The following NCAM2 variants were observed in gnomAD, a reference collection of about 807,000 sequenced individuals.
The protein encoded by NCAM2 is N-CAM-2.
In NCAM2, 30 loss-of-function variants were observed where a neutral mutation model predicts 98.1. The observed-to-expected ratio is 0.31, with a 90% CI of 0.23 to 0.41. The LOEUF is 0.41. Among genes scored for constraint, NCAM2 ranks in the 10% least tolerant of loss-of-function variants. NCAM2 has a pLI of 1.00. For missense variants in NCAM2, 867 were observed against 1,005.8 expected (o/e 0.86, Z 1.87); for synonymous variants, 368 against 342.4 (o/e 1.07, Z -0.83).
intron 1 of NCAM2, among the ~76,000 whole-genome samples, chr21:21,130,734 A>AT (rs5842894): frequency 2.0e-5 from 3 of 151,802 alleles, no homozygotes; most frequent in African/African-American, 7.3e-5. Context: ...TAAATTACCA[A>AT]TTTTTTTTTG....
At chr21:21,387,589 A>C (rs2076297802) in intron 9 of NCAM2, among the ~76,000 whole-genome samples, 1 of 152,074 alleles carries the variant, frequency 6.6e-6, no homozygotes, top group Admixed American at 6.6e-5. Flanking sequence ...GTTCATATGG[A>C]TCTAATCCTA....
At chr21:21,002,470 CAG>C (rs934770523) in intron 1 of NCAM2, among the ~76,000 whole-genome samples, 5 of 152,152 alleles carry the variant, frequency 3.3e-5, no homozygotes, top group African/African-American at 1.2e-4. Context: ...AAATGAGCTA[CAG>C]AGATTGAGGC....
chr21:21,484,193 T>C (rs1986142652), intron 15 of NCAM2, among the ~76,000 whole-genome samples: 1 of 152,178 alleles, frequency 6.6e-6, no homozygotes, highest in Non-Finnish European at 1.5e-5. Flanking sequence ...ACATCAATAT[T>C]GACCTTTGTA....
rs188256561 is a variant in NCAM2, at chr21:21,474,327, C to T, written c.1897-2964C>T. ...CCCAAATACTTAAAATGATGGAGGG[C>T]CCTTTAATTTATCATATTAAGGGCT... is the stretch of plus-strand genomic sequence containing the variant. On this transcript the variant is annotated intron_variant, in intron 14 of 17. Coordinates refer to ENST00000400546, the MANE Select transcript of NCAM2 (RefSeq NM_004540.5). Among the ~76,000 whole-genome samples, 5 of 152,062 alleles carry T rather than the reference C, an allele frequency of 3.3e-5. No individual in the cohort carries two copies. The East Asian group carries it at 9.7e-4, about 30-fold the overall frequency.
At chr21:21,477,737 G>A (rs1412006758) in intron 15 of NCAM2, among the ~76,000 whole-genome samples, 2 of 152,138 alleles carry the variant, frequency 1.3e-5, no homozygotes, top group Non-Finnish European at 2.9e-5. Flanking sequence ...AAGAGTGACT[G>A]ATGATAATCA....
intron 1 of NCAM2, among the ~76,000 whole-genome samples, chr21:21,027,439 G>T (rs1035283274): frequency 6.6e-6 from 1 of 152,156 alleles, no homozygotes; most frequent in African/African-American, 2.4e-5. Flanking sequence ...AGTTACTTAT[G>T]CAGATTGTTC....
At chr21:21,355,339 G>A (rs139721938) in intron 8 of NCAM2, among the ~76,000 whole-genome samples, 30 of 151,194 alleles carry the variant, frequency 2.0e-4, no homozygotes, top group Admixed American at 1.9e-3. Context: ...GGACGGGGCC[G>A]GGAAAAGGGG....
intron 2 of NCAM2, among the ~76,000 whole-genome samples, chr21:21,283,171 T>A (rs551311940): frequency 6.6e-6 from 1 of 152,076 alleles, no homozygotes; most frequent in South Asian, 2.1e-4. Flanking sequence ...AAACTTTCTT[T>A]CATACTTTTA....
chr21:21,199,464 A>G (rs1412941312), intron 1 of NCAM2, among the ~76,000 whole-genome samples: 1 of 152,140 alleles, frequency 6.6e-6, no homozygotes, highest in Non-Finnish European at 1.5e-5. Context: ...AAGCAGCTGA[A>G]GCTTAGCATC....
chr21:21,383,710 T>A (rs2076206185), intron 9 of NCAM2, among the ~76,000 whole-genome samples: 1 of 152,144 alleles, frequency 6.6e-6, no homozygotes, highest in South Asian at 2.1e-4. Context: ...ATATTCTACT[T>A]CTAGTACAAC....
intron 5 of NCAM2, among the ~76,000 whole-genome samples, chr21:21,304,927 A>G (rs2073834266): frequency 1.3e-5 from 2 of 152,206 alleles, no homozygotes; most frequent in African/African-American, 2.4e-5. Context: ...AGCATCATAT[A>G]TAAAGATAGA....
chr21:21,513,486 T>C (rs965521335), intron 16 of NCAM2, among the ~76,000 whole-genome samples: 3 of 152,106 alleles, frequency 2.0e-5, no homozygotes, highest in Admixed American at 1.3e-4. Flanking sequence ...TTAATTTCCA[T>C]GTGTTTCTAT....
intron 1 of NCAM2, among the ~76,000 whole-genome samples, chr21:21,134,064 C>CT (rs36062789): frequency 1.5e-4 from 21 of 137,516 alleles, no homozygotes; most frequent in Middle Eastern, 3.7e-3. Flanking sequence ...CACTTCCTCT[C>CT]TTTTTTTTTT....
At chr21:21,174,770 C>T (rs2068229890) in intron 1 of NCAM2, among the ~76,000 whole-genome samples, 1 of 151,260 alleles carries the variant, frequency 6.6e-6, no homozygotes, top group Non-Finnish European at 1.5e-5. Context: ...AATACAATTA[C>T]AAATAAAGAA....
At position 21,339,171 on chromosome 21, in the gene NCAM2, G is replaced by A. The variant is rs550273959; in HGVS notation, c.1044+637G>A. Reference sequence around the variant, plus strand: ...TAAATAAAGCTTTATTGAAACTAAAGCAAAAGAGTAATTTAAATTCAAAAA... The same window carrying A: ...TAAATAAAGCTTTATTGAAACTAAAACAAAAGAGTAATTTAAATTCAAAAA... On this transcript the variant is annotated intron_variant, in intron 8 of 17. Transcript: ENST00000400546. Among the ~76,000 whole-genome samples the A allele has an allele frequency of 7.2e-5, 11 of 152,158 alleles. No homozygotes were observed. The South Asian group carries it at 2.3e-3, about 32-fold the overall frequency.
At chr21:21,340,567 A>C (rs1038079222) in intron 8 of NCAM2, among the ~76,000 whole-genome samples, 1 of 152,002 alleles carries the variant, frequency 6.6e-6, no homozygotes, top group African/African-American at 2.4e-5. Flanking sequence ...CAATTATAGA[A>C]ACTCAAATAT....
chr21:21,115,985 G>GTC (rs2066547368), intron 1 of NCAM2, among the ~76,000 whole-genome samples: 1 of 136,656 alleles, frequency 7.3e-6, no homozygotes, highest in Admixed American at 7.9e-5. Flanking sequence ...GTGTGTGTGT[G>GTC]TGTGTGTCTG....
At chr21:21,254,788 G>A (rs1442952527) in intron 1 of NCAM2, among the ~76,000 whole-genome samples, 1 of 152,234 alleles carries the variant, frequency 6.6e-6, no homozygotes, top group Non-Finnish European at 1.5e-5. Flanking sequence ...CTCGGCGATA[G>A]GGTTATAGGC....
At chr21:21,424,415 G>A (rs184644726) in intron 11 of NCAM2, among the ~76,000 whole-genome samples, 1 of 152,236 alleles carries the variant, frequency 6.6e-6, no homozygotes, top group African/African-American at 2.4e-5. Flanking sequence ...AAAGATATAA[G>A]GTTGCTGTAG....
Sources: allele counts gnomAD v4.1 joint callset (sites outside exome capture counted in the v4.1 genomes callset), GRCh38; gene constraint gnomAD v4.1.1; transcripts MANE v1.5; gene names NCBI Gene and HGNC (gene_info 2026-07-23, HGNC 2026-07-21).